ATF2: variants seen among roughly 807,000 people sequenced by gnomAD.
ATF2 encodes the protein activating transcription factor 2.
A neutral mutation model predicts 60.6 loss-of-function variants in ATF2; 24 were observed. The observed-to-expected ratio is 0.40, with a 90% CI of 0.29 to 0.56. ATF2 has a LOEUF of 0.56. ATF2 is among the 20% of genes least tolerant of loss of function. The pLI is 0.54. For missense variants in ATF2, 433 were observed against 607.7 expected, an observed-to-expected ratio of 0.71 and a Z score of 3.02; for synonymous variants, 206 against 215.4, an observed-to-expected ratio of 0.96 and a Z score of 0.38.
chr2:175,154,249 A>G (rs1054874278), intron 1 of ATF2, among the ~76,000 whole-genome samples: 2 of 149,436 alleles, frequency 1.3e-5, no homozygotes, highest in South Asian at 2.1e-4. Context: ...ATATATATAT[A>G]TATTTTTTAC....
At chr2:175,096,643 G>A (rs78781809) in intron 11 of ATF2, among the ~76,000 whole-genome samples, 5,207 of 152,204 alleles carry the variant, frequency 0.034, 294 homozygotes, top group African/African-American at 0.12. Flanking sequence ...GTTGTAGATG[G>A]CAACACAATA....
intron 12 of ATF2, among the ~76,000 whole-genome samples, chr2:175,083,524 C>T (rs561256820): frequency 7.8e-4 from 119 of 152,224 alleles, no homozygotes; most frequent in Admixed American, 2.0e-3. Context: ...AAGGTTAGAC[C>T]TAAAACCATA....
At chr2:175,102,572 C>T (rs1695380809) in intron 10 of ATF2, among the ~76,000 whole-genome samples, 1 of 151,970 alleles carries the variant, frequency 6.6e-6, no homozygotes, top group Non-Finnish European at 1.5e-5. Flanking sequence ...AGTTCCACAC[C>T]AGCCTGGGCA....
chr2:175,144,354 C>T (rs1436035488), intron 2 of ATF2, among the ~76,000 whole-genome samples: 1 of 152,048 alleles, frequency 6.6e-6, no homozygotes, highest in Non-Finnish European at 1.5e-5. Flanking sequence ...ATGTAAACCA[C>T]TTTTAATAGT....
chr2:175,122,218 A>C (rs1697009535), intron 4 of ATF2, among the ~76,000 whole-genome samples: 1 of 151,960 alleles, frequency 6.6e-6, no homozygotes, highest in South Asian at 2.1e-4. Flanking sequence ...TATCCATCAT[A>C]TTTTTTCCTA....
At chr2:175,112,613 C>T (rs1696275533) in intron 9 of ATF2, among the ~76,000 whole-genome samples, 1 of 152,104 alleles carries the variant, frequency 6.6e-6, no homozygotes, top group African/African-American at 2.4e-5. Context: ...GAGACAAGGT[C>T]TTACTTTGTT....
chr2:175,112,866 T>C (rs890736428), intron 9 of ATF2, among the ~76,000 whole-genome samples: 1 of 152,230 alleles, frequency 6.6e-6, no homozygotes, highest in Non-Finnish European at 1.5e-5. Context: ...ATTACAGGCA[T>C]GAGCCACTGC....
At chr2:175,111,131 T>C (rs1280205887) in intron 10 of ATF2, among the ~76,000 whole-genome samples, 1 of 152,186 alleles carries the variant, frequency 6.6e-6, no homozygotes, top group Non-Finnish European at 1.5e-5. Flanking sequence ...ATTAATTTAA[T>C]AGCATCCAAA....
chr2:175,089,323 G>A (rs1386846140), intron 12 of ATF2, among the ~76,000 whole-genome samples: 2 of 152,048 alleles, frequency 1.3e-5, no homozygotes, highest in African/African-American at 2.4e-5. Flanking sequence ...TAGTGAATGC[G>A]GCAATAAGGT....
chr2:175,167,421 G>A (rs1272597945), intron 1 of ATF2, among the ~76,000 whole-genome samples: 1 of 151,932 alleles, frequency 6.6e-6, no homozygotes, highest in Non-Finnish European at 1.5e-5. Flanking sequence ...TTGTGAGGGT[G>A]GCGGAAAGGA....
At chr2:175,141,958 T>C (rs965883720) in intron 2 of ATF2, among the ~76,000 whole-genome samples, 1 of 151,572 alleles carries the variant, frequency 6.6e-6, no homozygotes, top group Non-Finnish European at 1.5e-5. Flanking sequence ...GCACTAACAA[T>C]TGCTCCCAAG....
Position 175,093,571 on chromosome 2 carries a change from A to T in ATF2, c.979-304T>A, listed in dbSNP as rs186199606. On this transcript the variant is annotated intron_variant, in intron 11 of 13. Transcript: ENST00000264110. ...ATTTAAAATACAATACAAATGATAT[A>T]TAGAAATATTTTTCCAAGTATATTT... Among the ~76,000 whole-genome samples the T allele has an allele frequency of 3.1e-4, 47 of 152,314 alleles. No individual in the cohort carries two copies. In the East Asian group the frequency reaches 7.5e-3, roughly 24 times the overall value.
chr2:175,079,710 G>C (rs544066748), intron 13 of ATF2, among the ~76,000 whole-genome samples: 1 of 152,050 alleles, frequency 6.6e-6, no homozygotes, highest in Non-Finnish European at 1.5e-5. Context: ...AAGTTTTATC[G>C]TGAGCACCTG....
At chr2:175,075,175 A>G in intron 13 of ATF2, 1 of 837,030 alleles carries the variant, frequency 1.2e-6, no homozygotes. Flanking sequence ...CACATTTAAC[A>G]AACTCAGTCT....
chr2:175,144,396 T>G (rs1559111863), intron 2 of ATF2, among the ~76,000 whole-genome samples: 1 of 152,160 alleles, frequency 6.6e-6, no homozygotes, highest in African/African-American at 2.4e-5. Context: ...CTAGAGTTAT[T>G]AGACAGGCTC....
intron 1 of ATF2, among the ~76,000 whole-genome samples, chr2:175,157,854 G>A (rs140591129): frequency 0.015 from 2,288 of 152,152 alleles, 25 homozygotes; most frequent in Middle Eastern, 0.054. Context: ...TTAGCTGAGC[G>A]TAGTGGCAGG....
In ATF2 at chr2:175,114,903, A is replaced by C. The variant is rs769279468; in HGVS notation, c.448-35T>G. 5.6e-6 allele frequency: 9 copies of C among 1,596,236 alleles called. No individual in the cohort carries two copies. In the African/African-American group the frequency reaches 1.2e-4, roughly 21 times the overall value. On this transcript the variant is annotated intron_variant, in intron 7 of 13. Coordinates refer to ENST00000264110, the MANE Select transcript of ATF2 (RefSeq NM_001880.4). ...AATGAGATAAAAAAGGGTGGCATTT[A>C]AAAATACAAATCATGTACCTTAGTG...
intron 1 of ATF2, among the ~76,000 whole-genome samples, chr2:175,153,657 C>T (rs1426035626): frequency 7.2e-5 from 11 of 151,844 alleles, no homozygotes; most frequent in African/African-American, 2.4e-4. Context: ...GTGAAACCCC[C>T]GTCTCTACTA....
intron 4 of ATF2, 134 bp from the exon 5 acceptor site, chr2:175,121,674 A>C: frequency 1.6e-6 from 1 of 612,512 alleles, no homozygotes; most frequent in Non-Finnish European, 2.7e-6. Flanking sequence ...CTATAAAAGA[A>C]TCCGTTATTG....
Sources: allele counts gnomAD v4.1 joint callset (sites outside exome capture counted in the v4.1 genomes callset), GRCh38; gene constraint gnomAD v4.1.1; transcripts MANE v1.5; gene names NCBI Gene and HGNC (gene_info 2026-07-23, HGNC 2026-07-21).